Variants in UVSSA observed in about 807,000 individuals in gnomAD.
The protein encoded by UVSSA is UV stimulated scaffold protein A.
Under a neutral mutation model 73.9 loss-of-function variants are expected in UVSSA, and 72 were observed. The ratio of observed to expected loss-of-function variants is 0.97; its 90% CI spans 0.81 to 1.19. The LOEUF (loss-of-function observed/expected upper bound fraction) is 1.19. UVSSA is among the 50% of genes most tolerant of loss of function. The pLI is 0.00. For missense variants in UVSSA, 1,150 were observed against 965.0 expected (o/e 1.19, Z -2.54); for synonymous variants, 454 against 391.3 (o/e 1.16, Z -1.89).
intron 8 of UVSSA, chr4:1,374,825 G>A (rs1211592292): frequency 1.3e-5 from 2 of 153,210 alleles, no homozygotes; most frequent in African/African-American, 4.8e-5. Context: ...ATCGCGGTTT[G>A]ACGTCAGCGT....
exon 14 of UVSSA, chr4:1,393,310 T>C (rs1720447173): frequency 6.6e-6 from 1 of 152,256 alleles, no homozygotes; most frequent in Non-Finnish European, 1.5e-5. Context: ...ACTCATATTC[T>C]TTGTTTAGTG....
At chr4:1,351,390 T>C (rs1385648155) in intron 3 of UVSSA, among the ~76,000 whole-genome samples, 4 of 146,330 alleles carry the variant, frequency 2.7e-5, no homozygotes, top group Non-Finnish European at 6.0e-5. Flanking sequence ...TTCTTTCTTT[T>C]TTTTTTTTTC....
At chr4:1,385,109 G>T (rs563933005) in intron 13 of UVSSA, 1 of 152,434 alleles carries the variant, frequency 6.6e-6, no homozygotes, top group East Asian at 1.9e-4. Flanking sequence ...CCCATGCCAG[G>T]CCTCCTCCCT....
chr4:1,377,421 T>G (rs1488713934), intron 10 of UVSSA, among the ~76,000 whole-genome samples: 2 of 151,956 alleles, frequency 1.3e-5, no homozygotes, highest in Non-Finnish European at 2.9e-5. Context: ...CCGCCCCTAG[T>G]GGGGGCCAGA....
intron 8 of UVSSA, among the ~76,000 whole-genome samples, chr4:1,374,182 C>T (rs1374321442): frequency 1.3e-5 from 2 of 152,202 alleles, no homozygotes; most frequent in Admixed American, 1.3e-4. Flanking sequence ...GGTCCTGAGC[C>T]CCCCTGGCCG....
chr4:1,389,170 T>C (rs896916954), downstream of UVSSA: 1 of 152,178 alleles, frequency 6.6e-6, no homozygotes. Flanking sequence ...TGTTGCAATC[T>C]GTTCATATAT....
intron 13 of UVSSA, chr4:1,385,554 C>G (rs929643419): frequency 4.1e-5 from 16 of 390,016 alleles, no homozygotes; most frequent in African/African-American, 3.1e-4. Context: ...GGAGGCTGCC[C>G]TCATCCTGGA....
chr4:1,370,570 A>G (rs1044450706), intron 8 of UVSSA, among the ~76,000 whole-genome samples: 3 of 152,236 alleles, frequency 2.0e-5, no homozygotes, highest in African/African-American at 4.8e-5. Flanking sequence ...CGGGACAGGC[A>G]CCTTCTGTGA....
At chr4:1,348,228 A>G in intron 2 of UVSSA, 39 bp downstream of exon 2, 1 of 1,523,982 alleles carries the variant, frequency 6.6e-7, no homozygotes, top group Non-Finnish European at 9.1e-7. Flanking sequence ...TGACTGGCCC[A>G]CTGAGCCCAG....
chr4:1,388,045 C>T lies in UVSSA; in HGVS notation c.*2084C>T, dbSNP rs933928878. On this transcript the variant is annotated 3_prime_UTR_variant, in exon 14 of 14. Transcript: ENST00000389851. ...CGTCTTAATATTAAATCTTCTGAGT[C>T]ATGAGCTTCTGATTATCTTTCCATT... is the stretch of plus-strand genomic sequence containing the variant. 1.3e-5 allele frequency: 2 copies of T among 151,530 alleles called. No homozygotes were observed. The highest frequency in any genetic ancestry group is 4.8e-5 in the African/African-American group (2 of 41,294). The allele number at this position is 151,530 out of a possible 1,614,324, so 9.4% of individuals were successfully genotyped here.
At chr4:1,376,305 C>A in intron 10 of UVSSA, 137 bp downstream of exon 10, 1 of 1,321,776 alleles carries the variant, frequency 7.6e-7, no homozygotes, top group Non-Finnish European at 9.9e-7. Flanking sequence ...ACCTTCCGGG[C>A]ACCTGGAGGG....
At chr4:1,365,003 G>A (rs1407918169) in intron 7 of UVSSA, among the ~76,000 whole-genome samples, 2 of 152,214 alleles carry the variant, frequency 1.3e-5, no homozygotes, top group South Asian at 2.1e-4. Flanking sequence ...GTCCTGGGCC[G>A]TGGTGGGGCT....
Position 1,380,956 on chromosome 4 carries a change from A to G in UVSSA, c.1829A>G (p.Gln610Arg), listed in dbSNP as rs151199613. Residue 610 changes from glutamine to arginine, a missense_variant, in exon 12 of 14, where the codon CAG (glutamine) becomes CGG (arginine). Transcript: ENST00000389851. ...PLDPEDRAREQRRQLQKQERP... is the reference protein window; with the variant it reads ...PLDPEDRARERRRQLQKQERP... ...GACCCGGAAGACAGGGCTCGTGAGC[A>G]GCGGCGGCAGCTGCAGAAGCAGGAG... The G allele has an allele frequency of 8.7e-6, 14 of 1,612,622 alleles. No individual in the cohort carries two copies. The highest frequency in any genetic ancestry group is 1.1e-5 in the Non-Finnish European group (13 of 1,179,904).
rs749317573 is a variant in UVSSA, at chr4:1,348,089, G to GATATGGATCAGAAA, written c.-2_12dup. The GATATGGATCAGAAA allele has an allele frequency of 5.6e-6, 9 of 1,610,190 alleles. No individual in the cohort carries two copies. In the South Asian group the frequency reaches 7.7e-5, roughly 14 times the overall value. On this transcript the variant is annotated splice_region_variant and 5_prime_UTR_variant. Coordinates refer to ENST00000389851, the MANE Select transcript of UVSSA (RefSeq NM_020894.4). ...AGCATCTCTGCCTTACTTATTTCTA[G>GATATGGATCAGAAA]ATATGGATCAGAAACTTTCGAAGTT...
At position 1,383,944 on chromosome 4, in the gene UVSSA, A is replaced by G. The variant is rs570088599; in HGVS notation, c.2036+4A>G. On this transcript the variant is annotated splice_donor_region_variant and intron_variant, in intron 13 of 13. Coordinates refer to ENST00000389851, the MANE Select transcript of UVSSA (RefSeq NM_020894.4). ...TTGGGAGAAAAGTCTTCGCCAAGTA[A>G]GAGTGGCTGCTGGGTCACCTCCCAC... 4 of 1,608,502 alleles carry G rather than the reference A, an allele frequency of 2.5e-6. No individual in the cohort carries two copies. Among genetic ancestry groups the G allele is most frequent in the East Asian group, 4.5e-5 (2 of 44,812 alleles).
At chr4:1,377,101 G>A (rs1024121831) in intron 10 of UVSSA, among the ~76,000 whole-genome samples, 33 of 152,194 alleles carry the variant, frequency 2.2e-4, no homozygotes, top group African/African-American at 7.7e-4. Context: ...CGTCTCATCC[G>A]TGTGAGGGGC....
exon 14 of UVSSA, chr4:1,395,514 A>C (rs1197034807): frequency 1.9e-6 from 3 of 1,598,098 alleles, no homozygotes; most frequent in African/African-American, 1.4e-5. Context: ...CTGCTCACAC[A>C]CATGCCGATG....
At chr4:1,378,431 T>G (rs1299202883) in intron 10 of UVSSA, among the ~76,000 whole-genome samples, 1 of 152,180 alleles carries the variant, frequency 6.6e-6, no homozygotes, top group Non-Finnish European at 1.5e-5. Context: ...CGTGCGCCTG[T>G]AATCCCAGCT....
At chr4:1,376,315 G>C in intron 10 of UVSSA, 147 bp downstream of exon 10, 5 of 1,263,852 alleles carry the variant, frequency 4.0e-6, no homozygotes, top group Non-Finnish European at 5.2e-6. Flanking sequence ...CACCTGGAGG[G>C]GCACAGGGGT....
Sources: allele counts gnomAD v4.1 joint callset (sites outside exome capture counted in the v4.1 genomes callset), GRCh38; gene constraint gnomAD v4.1.1; transcripts MANE v1.5; gene names NCBI Gene and HGNC (gene_info 2026-07-23, HGNC 2026-07-21).